PAX5: variants seen among roughly 807,000 people sequenced by gnomAD.
PAX5 encodes the protein paired box 5, also known as paired box protein Pax-5.
Under a neutral mutation model 43.7 loss-of-function variants are expected in PAX5, and 9 were observed. The observed-to-expected ratio is 0.21, with a 90% CI of 0.12 to 0.36. The LOEUF is 0.36. Ranked by LOEUF, PAX5 falls within the 10% of genes least tolerant of loss-of-function variation. PAX5 has a pLI of 1.00. For synonymous variants in PAX5, 228 were observed against 214.3 expected (o/e 1.06, Z -0.56); for missense variants, 383 against 532.7 (o/e 0.72, Z 2.77).
chr9:36,850,753 A>G (rs1410785412), intron 8 of PAX5, among the ~76,000 whole-genome samples: 2 of 152,228 alleles, frequency 1.3e-5, no homozygotes, highest in Non-Finnish European at 2.9e-5. Context: ...CACACAGCAC[A>G]TGGCCATTCT....
chr9:36,959,824 C>A (rs1190783111), intron 6 of PAX5, among the ~76,000 whole-genome samples: 2 of 152,242 alleles, frequency 1.3e-5, no homozygotes, highest in Non-Finnish European at 2.9e-5. Context: ...GCTCTGGAGG[C>A]AAGGACCTGG....
rs571213443 is a variant in PAX5 at position 36,905,701 on chromosome 9, G to A, written c.910+17654C>T. On this transcript the variant is annotated intron_variant, in intron 7 of 9. Coordinates refer to ENST00000358127, the MANE Select transcript of PAX5 (RefSeq NM_016734.3). ...GCAGTGGATCAACCAGGCTGAGAAA[G>A]GAGGATAGGAGAGGGAAAAAAAAGA... Among the ~76,000 whole-genome samples, 22 of 152,268 alleles carry A rather than the reference G, an allele frequency of 1.4e-4. No individual in the cohort carries two copies. In the South Asian group the frequency reaches 4.4e-3, roughly 30 times the overall value.
intron 2 of PAX5, among the ~76,000 whole-genome samples, chr9:37,017,828 C>A (rs1235684322): frequency 6.6e-6 from 1 of 152,218 alleles, no homozygotes; most frequent in African/African-American, 2.4e-5. Flanking sequence ...ATGGGCCAGG[C>A]ACTTAGAAGG....
intron 8 of PAX5, among the ~76,000 whole-genome samples, chr9:36,863,928 G>A (rs1346952250): frequency 6.6e-6 from 1 of 152,198 alleles, no homozygotes; most frequent in Non-Finnish European, 1.5e-5. Flanking sequence ...GGCCAACATG[G>A]TGAAACCCCG....
intron 7 of PAX5, among the ~76,000 whole-genome samples, chr9:36,906,668 T>TGCTCCACGCTGGACA: frequency 6.6e-6 from 1 of 152,348 alleles, no homozygotes; most frequent in East Asian, 1.9e-4. Flanking sequence ...CCGTCAGGCC[T>TGCTCCACGCTGGACA]GCTCCACGCT....
intron 8 of PAX5, among the ~76,000 whole-genome samples, chr9:36,863,615 T>C (rs111959471): frequency 8.5e-5 from 13 of 152,212 alleles, no homozygotes; most frequent in African/African-American, 2.7e-4. Context: ...GTGTTTTCTC[T>C]TGTTAAAAGG....
intron 6 of PAX5, among the ~76,000 whole-genome samples, chr9:36,952,234 C>CTTTTTTTTTTTTTTTT (rs138009049): frequency 6.0e-5 from 4 of 66,626 alleles, no homozygotes; most frequent in Non-Finnish European, 7.7e-5. Context: ...GACCATCTCC[C>CTTTTTTTTTTTTTTTT]TTTTTTTTTT....
intron 7 of PAX5, among the ~76,000 whole-genome samples, chr9:36,921,622 G>A (rs929967962): frequency 2.0e-5 from 3 of 152,232 alleles, no homozygotes; most frequent in African/African-American, 7.2e-5. Flanking sequence ...AAGATAAAGT[G>A]AGTTCACTTA....
chr9:37,028,707 G>A (rs955805239), intron 1 of PAX5, among the ~76,000 whole-genome samples: 1 of 152,248 alleles, frequency 6.6e-6, no homozygotes, highest in African/African-American at 2.4e-5. Flanking sequence ...TCCCTGAAGC[G>A]GGCGGGTGGA....
intron 7 of PAX5, among the ~76,000 whole-genome samples, chr9:36,898,279 T>A (rs1828045819): frequency 6.6e-6 from 1 of 152,344 alleles, no homozygotes; most frequent in African/African-American, 2.4e-5. Context: ...GCCAACTGCA[T>A]ATTATTTATG....
At chr9:37,026,705 G>A (rs548168107) in intron 1 of PAX5, 2 of 1,292,624 alleles carry the variant, frequency 1.5e-6, no homozygotes, top group Non-Finnish European at 1.0e-6. Flanking sequence ...CACTGCTGGA[G>A]CTTCGGGGTC....
intron 5 of PAX5, among the ~76,000 whole-genome samples, chr9:36,993,066 T>C (rs1190491115): frequency 6.6e-6 from 1 of 152,220 alleles, no homozygotes; most frequent in Non-Finnish European, 1.5e-5. Flanking sequence ...TTCACTCTCA[T>C]TCTCTCACGA....
At chr9:37,001,157 C>T (rs2132385717) in intron 5 of PAX5, among the ~76,000 whole-genome samples, 1 of 152,350 alleles carries the variant, frequency 6.6e-6, no homozygotes, top group East Asian at 1.9e-4. Context: ...ACCATGACTG[C>T]TGGTCAGACT....
In PAX5 at chr9:36,882,062, G is replaced by A. The variant is rs144574685; in HGVS notation, c.954C>T (p.His318=). 1.4e-4 allele frequency: 233 copies of A among 1,610,010 alleles called. No homozygotes were observed. In the African/African-American group the frequency reaches 2.9e-3, roughly 20 times the overall value. ...AGCTGCCCTGTCCAGCGGGGGGGAC[G>A]TGTGGAGGGTACCCGGGGAGGGTCG... The part of the protein sequence containing the change: ...ASTTLPGYPP[H]VPPAGQGSYS... The change falls in exon 8 of 10, where the codon CAC becomes CAT. Residue 318 remains histidine, a synonymous_variant. Coordinates refer to ENST00000358127, the MANE Select transcript of PAX5 (RefSeq NM_016734.3). The surrounding 1 kb of genome is among the most constrained non-coding windows in gnomAD (Gnocchi z 4.4).
At chr9:37,018,927 G>A (rs1184483507) in intron 2 of PAX5, among the ~76,000 whole-genome samples, 1 of 152,124 alleles carries the variant, frequency 6.6e-6, no homozygotes, top group Non-Finnish European at 1.5e-5. Context: ...TGTCCCCTCT[G>A]AAAAAGGCTC....
intron 5 of PAX5, among the ~76,000 whole-genome samples, chr9:36,977,578 G>A (rs1835550535): frequency 6.6e-6 from 1 of 152,014 alleles, no homozygotes; most frequent in African/African-American, 2.4e-5. Context: ...ATCCAGGCTG[G>A]GGTGTGCAAT....
At chr9:36,890,783 G>A (rs1424044168) in intron 7 of PAX5, among the ~76,000 whole-genome samples, 5 of 152,182 alleles carry the variant, frequency 3.3e-5, no homozygotes, top group Non-Finnish European at 7.4e-5. Flanking sequence ...CGAGTGAAAG[G>A]AGGATAAGCA....
At position 36,838,323 on chromosome 9, in the gene PAX5, C is replaced by G. The variant is rs1821787502; in HGVS notation, c.*2237G>C. 1 of 232,352 alleles carries G rather than the reference C, an allele frequency of 4.3e-6. No individual in the cohort carries two copies. The highest frequency in any genetic ancestry group is 2.2e-5 in the African/African-American group (1 of 45,272). 14.4% of individuals were successfully genotyped at this position (232,352 alleles called of 1,614,324 possible). A position where few individuals can be genotyped will look rare whatever the true frequency, so the allele number is the denominator to read the frequency against. On this transcript the variant is annotated 3_prime_UTR_variant, in exon 10 of 10. Coordinates refer to ENST00000358127, the MANE Select transcript of PAX5 (RefSeq NM_016734.3). ...CCAGAACCATCTCTCACTGCTCTTACTGTCAACTCTCCTCAGGAATAGGAG... is the reference window on the plus strand; with the variant it reads ...CCAGAACCATCTCTCACTGCTCTTAGTGTCAACTCTCCTCAGGAATAGGAG...
intron 7 of PAX5, among the ~76,000 whole-genome samples, chr9:36,897,784 C>T (rs1827996738): frequency 6.6e-6 from 1 of 152,308 alleles, no homozygotes; most frequent in East Asian, 1.9e-4. Flanking sequence ...TAGTCCAGGG[C>T]GCTCATGTCC....
Sources: allele counts gnomAD v4.1 joint callset (sites outside exome capture counted in the v4.1 genomes callset), GRCh38; gene constraint gnomAD v4.1.1; non-coding constraint Gnocchi (gnomAD v3.1); transcripts MANE v1.5; gene names NCBI Gene and HGNC (gene_info 2026-07-23, HGNC 2026-07-21).